The following TMEM131L variants were observed in gnomAD, a reference collection of about 807,000 sequenced individuals.
TMEM131L encodes the protein transmembrane 131 like.
A neutral mutation model predicts 192.2 loss-of-function variants in TMEM131L; 54 were observed. The observed-to-expected ratio is 0.28, with a 90% CI of 0.23 to 0.35. The LOEUF (loss-of-function observed/expected upper bound fraction) is 0.35, where lower values mean the gene tolerates loss of function less well. TMEM131L is among the 10% of genes least tolerant of loss of function. The pLI is 1.00. For synonymous variants in TMEM131L, 701 were observed against 704.9 expected (o/e 0.99, Z 0.09); for missense variants, 1,888 against 1,972.9 (o/e 0.96, Z 0.82).
chr4:153,586,771 A>T (rs1261545131), intron 14 of TMEM131L, among the ~76,000 whole-genome samples: 1 of 152,226 alleles, frequency 6.6e-6, no homozygotes, highest in African/African-American at 2.4e-5. Flanking sequence ...GATCTCTTCT[A>T]AGTGACTCTT....
chr4:153,473,310 G>C (rs937017595), intron 2 of TMEM131L, among the ~76,000 whole-genome samples: 1 of 152,228 alleles, frequency 6.6e-6, no homozygotes, highest in East Asian at 1.9e-4. Flanking sequence ...ATGGTGCACC[G>C]GATGGTTGCA....
chr4:153,597,957 A>T lies in TMEM131L; in HGVS notation c.2124-633A>T, dbSNP rs576026226. 1.7e-3 allele frequency among the ~76,000 whole-genome samples: 258 copies of T among 152,318 alleles called. 1 individual carries two copies. The highest frequency in any genetic ancestry group is 5.7e-3 in the African/African-American group (237 of 41,568). On this transcript the variant is annotated intron_variant, in intron 20 of 34. Transcript: ENST00000409959. ...CCTAGGTAAATAAATAAAAATTTAA[A>T]AAAAAATAATTTCCACCTTTTTGTC...
chr4:153,481,609 C>T (rs1449014114), intron 3 of TMEM131L, among the ~76,000 whole-genome samples: 2 of 152,196 alleles, frequency 1.3e-5, no homozygotes, highest in African/African-American at 2.4e-5. Flanking sequence ...CATCTTAGCT[C>T]ACTGCAACCT....
chr4:153,583,273 T>G (rs1730483758), intron 10 of TMEM131L, 25 bp downstream of exon 10: 1 of 1,214,692 alleles, frequency 8.2e-7, no homozygotes, highest in Non-Finnish European at 1.2e-6. Flanking sequence ...TTACCTAAAG[T>G]AACTTTTAAA....
chr4:153,615,420 T>C (rs1346399519), intron 26 of TMEM131L, among the ~76,000 whole-genome samples: 2 of 152,086 alleles, frequency 1.3e-5, no homozygotes, highest in African/African-American at 4.8e-5. Context: ...ACCCATGTGG[T>C]GGTTGGACAT....
At chr4:153,565,045 C>T (rs1006249782) in intron 7 of TMEM131L, among the ~76,000 whole-genome samples, 31 of 152,132 alleles carry the variant, frequency 2.0e-4, no homozygotes, top group African/African-American at 7.2e-4. Flanking sequence ...CCTTCAAGAC[C>T]CAGTTCAGAT....
intron 27 of TMEM131L, among the ~76,000 whole-genome samples, chr4:153,621,467 C>T (rs1219262814): frequency 6.6e-6 from 1 of 152,162 alleles, no homozygotes; most frequent in African/African-American, 2.4e-5. Flanking sequence ...TCTTGGAAAC[C>T]TTGCTTCTTT....
chr4:153,555,940 G>A lies in TMEM131L; in HGVS notation c.432+30G>A. 1 of 1,543,444 alleles carries A rather than the reference G, an allele frequency of 6.5e-7. No homozygotes were observed. Among genetic ancestry groups the A allele is most frequent in the Non-Finnish European group, 8.8e-7 (1 of 1,142,398 alleles). On this transcript the variant is annotated intron_variant, in intron 5 of 34. Coordinates refer to ENST00000409959, the MANE Select transcript of TMEM131L (RefSeq NM_001131007.2). The surrounding 1 kb of genome is among the most constrained non-coding windows in gnomAD (Gnocchi z 4.1). ...GTGTTGATGGACTCCTGGAAACTAT[G>A]CCGTGGCAGGCAGCCAGGTTTTCTT...
At chr4:153,566,507 G>T (rs964071706) in intron 7 of TMEM131L, among the ~76,000 whole-genome samples, 2 of 120,898 alleles carry the variant, frequency 1.7e-5, no homozygotes, top group African/African-American at 7.1e-5. Flanking sequence ...TTGTCTTTGT[G>T]TGTGAGTGTG....
intron 26 of TMEM131L, among the ~76,000 whole-genome samples, chr4:153,618,541 A>C (rs565808514): frequency 6.6e-6 from 1 of 152,008 alleles, no homozygotes; most frequent in Non-Finnish European, 1.5e-5. Flanking sequence ...GATGACGATA[A>C]CTAAGTCTCA....
In TMEM131L at chr4:153,627,568, A is replaced by G. The variant is rs771086985; in HGVS notation, c.4125-37A>G. 10 of 1,534,478 alleles carry G rather than the reference A, an allele frequency of 6.5e-6. No individual in the cohort carries two copies. In the African/African-American group the frequency reaches 8.2e-5, roughly 13 times the overall value. ...AATATCAGTATTTCCTCGTGCAGAA[A>G]AAATGAGTCGTTCCTCCTTTGCCCT... On this transcript the variant is annotated intron_variant, in intron 30 of 34. Coordinates refer to ENST00000409959, the MANE Select transcript of TMEM131L (RefSeq NM_001131007.2).
intron 7 of TMEM131L, among the ~76,000 whole-genome samples, chr4:153,560,231 G>A (rs1728761777): frequency 6.6e-6 from 1 of 152,150 alleles, no homozygotes; most frequent in African/African-American, 2.4e-5. Context: ...AGCTCCATGA[G>A]AACAGGGACC....
intron 21 of TMEM131L, among the ~76,000 whole-genome samples, chr4:153,600,886 G>A (rs575262955): frequency 1.3e-5 from 2 of 152,308 alleles, no homozygotes; most frequent in South Asian, 2.1e-4. Flanking sequence ...TGAGGCAGAC[G>A]GATCACTTGT....
chr4:153,589,649 G>A (rs996781282), intron 16 of TMEM131L, among the ~76,000 whole-genome samples: 1 of 152,186 alleles, frequency 6.6e-6, no homozygotes, highest in African/African-American at 2.4e-5. Flanking sequence ...AACTGCATAA[G>A]GGCCAACGAC....
chr4:153,539,930 G>T (rs59510940), intron 3 of TMEM131L, among the ~76,000 whole-genome samples: 32,230 of 151,794 alleles, frequency 0.21, 3,485 homozygotes, highest in Middle Eastern at 0.29. Flanking sequence ...GACCAACGTG[G>T]AGAAACCCCG....
At chr4:153,617,655 A>G (rs779733861) in intron 26 of TMEM131L, among the ~76,000 whole-genome samples, 1 of 152,214 alleles carries the variant, frequency 6.6e-6, no homozygotes, top group East Asian at 1.9e-4. Context: ...GTAGAGGTAA[A>G]TGTCTAACCT....
chr4:153,496,970 C>T (rs1733218505), intron 3 of TMEM131L, among the ~76,000 whole-genome samples: 1 of 152,114 alleles, frequency 6.6e-6, no homozygotes. Context: ...AAGCGATCCT[C>T]CCACCTCAGC....
At chr4:153,469,341 G>A (rs1165689007) in intron 2 of TMEM131L, among the ~76,000 whole-genome samples, 1 of 88,530 alleles carries the variant, frequency 1.1e-5, no homozygotes, top group African/African-American at 8.6e-5. Flanking sequence ...ACACACACAC[G>A]TGTGTATGTG....
chr4:153,609,451 G>T (rs1428806783), intron 25 of TMEM131L, among the ~76,000 whole-genome samples: 1 of 152,166 alleles, frequency 6.6e-6, no homozygotes, highest in African/African-American at 2.4e-5. Context: ...TGAGATTTGG[G>T]TGGGGACACA....
Sources: allele counts gnomAD v4.1 joint callset (sites outside exome capture counted in the v4.1 genomes callset), GRCh38; gene constraint gnomAD v4.1.1; non-coding constraint Gnocchi (gnomAD v3.1); transcripts MANE v1.5; gene names NCBI Gene and HGNC (gene_info 2026-07-23, HGNC 2026-07-21).